C2: variants seen among roughly 807,000 people sequenced by gnomAD.
The protein encoded by C2 is complement C2.
In C2, 64 loss-of-function variants were observed where a neutral mutation model predicts 85.2. That is an observed-to-expected ratio of 0.75 (90% CI 0.61 to 0.92). The LOEUF is 0.92. Among genes scored for constraint, C2 ranks in the 40% least tolerant of loss-of-function variants. The pLI is 0.00. For synonymous variants in C2, 311 were observed against 370.8 expected, an observed-to-expected ratio of 0.84 and a Z score of 1.85; for missense variants, 820 against 971.6, an observed-to-expected ratio of 0.84 and a Z score of 2.07.
At chr6:31,902,176 T>TG (rs2151694508) in intron 1 of C2, among the ~76,000 whole-genome samples, 1 of 138,426 alleles carries the variant, frequency 7.2e-6, no homozygotes, top group South Asian at 2.5e-4. Context: ...CGGACGGCCT[T>TG]GCCTCCTCTT....
upstream of C2, among the ~76,000 whole-genome samples, chr6:31,925,828 C>A (rs1364600926): frequency 6.6e-6 from 1 of 152,030 alleles, no homozygotes; most frequent in Non-Finnish European, 1.5e-5. Flanking sequence ...TCCTTAAATA[C>A]CCCCCACCTT....
Position 31,945,580 on chromosome 6 carries a change from A to G in C2, c.*223A>G, listed in dbSNP as rs1049070395. The stretch of plus-strand genomic sequence containing the variant: ...ACCTCCCGCTCCTTGGCCTGTCCCC[A>G]GATTCCTTCCCTGGTTGACTTGACT... On this transcript the variant is annotated 3_prime_UTR_variant, in exon 18 of 18. Transcript: ENST00000299367. The surrounding 1 kb of genome is among the most constrained non-coding windows in gnomAD (Gnocchi z 5.3). 6.7e-6 allele frequency: 4 copies of G among 597,316 alleles called. No homozygotes were observed. The highest frequency in any genetic ancestry group is 1.2e-5 in the Non-Finnish European group (4 of 334,722). 37.0% of individuals were successfully genotyped at this position (597,316 alleles called of 1,614,324 possible). A position where few individuals can be genotyped will look rare whatever the true frequency, so the allele number is the denominator to read the frequency against.
At position 31,945,253 on chromosome 6, in the gene C2, C is replaced by G; in HGVS notation, c.2155C>G (p.Arg719Gly). Residue 719 changes from arginine (R) to glycine (G), a missense_variant, in exon 18 of 18, where the codon CGT becomes GGT. Arg to Gly is a moderately radical substitution (Grantham distance 125). Coordinates refer to ENST00000299367, the MANE Select transcript of C2 (RefSeq NM_000063.6). The surrounding 1 kb of genome is among the most constrained non-coding windows in gnomAD (Gnocchi z 5.3). ...CAAAAACTCCCGCAAAAGGGCCCCTCGTAGCAAGGTCCCGCCGCCACGAGA... is the reference window on the plus strand; with the variant it reads ...CAAAAACTCCCGCAAAAGGGCCCCTGGTAGCAAGGTCCCGCCGCCACGAGA... ...ADKNSRKRAPRSKVPPPRDFH... is the reference protein window; with the variant it reads ...ADKNSRKRAPGSKVPPPRDFH... 6.2e-7 allele frequency: 1 copy of G among 1,612,954 alleles called. No individual in the cohort carries two copies.
chr6:31,900,503 C>T (rs1448761836), upstream of C2: 3 of 1,610,846 alleles, frequency 1.9e-6, no homozygotes, highest in Admixed American at 3.3e-5. The surrounding 1 kb of genome is among the most constrained non-coding windows in gnomAD (Gnocchi z 9.7). Flanking sequence ...TTCCGACAGG[C>T]TATAGCAGGC....
At chr6:31,902,620 CT>C (rs1437940437) in intron 1 of C2, among the ~76,000 whole-genome samples, 2 of 152,224 alleles carry the variant, frequency 1.3e-5, no homozygotes, top group African/African-American at 2.4e-5. Flanking sequence ...CATTCCCAGG[CT>C]TTTCCAACTC....
chr6:31,926,167 G>A (rs2734335), upstream of C2, among the ~76,000 whole-genome samples: 81,538 of 151,812 alleles, frequency 0.54, 22,472 homozygotes, highest in Admixed American at 0.69. Flanking sequence ...GGGTGACTGT[G>A]TGTTCCCCTA....
chr6:31,912,222 T>C (rs1182477217), intron 1 of C2, among the ~76,000 whole-genome samples: 1 of 152,224 alleles, frequency 6.6e-6, no homozygotes, highest in African/African-American at 2.4e-5. Flanking sequence ...TGCTAAACTA[T>C]TTTCTGAAGC....
At chr6:31,908,865 T>C (rs1767905319) in intron 1 of C2, among the ~76,000 whole-genome samples, 1 of 152,056 alleles carries the variant, frequency 6.6e-6, no homozygotes, top group African/African-American at 2.4e-5. Flanking sequence ...CGTATGCTAT[T>C]GCACACTGAA....
intron 1 of C2, among the ~76,000 whole-genome samples, chr6:31,906,420 C>T (rs1767717824): frequency 6.6e-6 from 1 of 151,854 alleles, no homozygotes; most frequent in South Asian, 2.1e-4. Context: ...CAAACTCTTC[C>T]CTCCCCCTCC....
chr6:31,900,232 G>A, upstream of C2: 3 of 1,614,106 alleles, frequency 1.9e-6, no homozygotes, highest in African/African-American at 2.7e-5. This position sits in a 1 kb window ranked among gnomAD's most constrained non-coding sequence, Gnocchi z 9.7. Context: ...GGCACATGAA[G>A]ATGAAGTGCT....
At chr6:31,899,834 C>T, upstream of C2, 1 of 1,389,094 alleles carries the variant, frequency 7.2e-7, no homozygotes, top group South Asian at 1.4e-5. Context: ...CTTTCTGCCC[C>T]AGACCCCCCA....
intron 1 of C2, among the ~76,000 whole-genome samples, chr6:31,907,477 C>G (rs1490301494): frequency 1.4e-5 from 2 of 145,446 alleles, no homozygotes; most frequent in Non-Finnish European, 3.0e-5. Context: ...AGCTATTCAA[C>G]AGGCTGAAGT....
chr6:31,932,077 G>A (rs1484024533), intron 3 of C2, among the ~76,000 whole-genome samples: 3 of 130,588 alleles, frequency 2.3e-5, no homozygotes, highest in Non-Finnish European at 1.6e-5. Context: ...GGGCAGAGGC[G>A]CCCCTCACTT....
At chr6:31,939,041 C>T (rs1478449620) in intron 8 of C2, among the ~76,000 whole-genome samples, 190 bp from the exon 9 acceptor site, 3 of 152,152 alleles carry the variant, frequency 2.0e-5, no homozygotes, top group Admixed American at 6.6e-5. Context: ...TCAGGCAATC[C>T]GCCTTCTTCG....
chr6:31,900,853 C>G (rs372529427), upstream of C2: 35 of 1,612,616 alleles, frequency 2.2e-5, no homozygotes, highest in African/African-American at 4.7e-4. The surrounding 1 kb of genome is among the most constrained non-coding windows in gnomAD (Gnocchi z 9.7). Flanking sequence ...GGAGGAGGGA[C>G]TTGGTGGCGC....
chr6:31,915,239 A>G (rs766758577), upstream of C2, among the ~76,000 whole-genome samples: 3 of 152,196 alleles, frequency 2.0e-5, no homozygotes, highest in Admixed American at 6.5e-5. Flanking sequence ...TGTTTCTTCC[A>G]TAAGGCATTC....
At position 31,943,369 on chromosome 6, in the gene C2, T is replaced by C; in HGVS notation, c.1456-47T>C. The C allele has an allele frequency of 6.2e-7, 1 of 1,608,992 alleles. No individual in the cohort carries two copies. Among genetic ancestry groups the C allele is most frequent in the Non-Finnish European group, 8.5e-7 (1 of 1,176,324 alleles). ...TGGATTCCAGAGGTAAAAGCGGCCA[T>C]GGGCCAGACATACTGCAATCTCTGA... is the stretch of plus-strand genomic sequence containing the variant. On this transcript the variant is annotated intron_variant, in intron 11 of 17. Transcript: ENST00000299367. The surrounding 1 kb of genome is among the most constrained non-coding windows in gnomAD (Gnocchi z 6.4).
At chr6:31,899,033 G>C (rs989302664), upstream of C2, among the ~76,000 whole-genome samples, 12 of 151,576 alleles carry the variant, frequency 7.9e-5, no homozygotes, top group African/African-American at 2.9e-4. Context: ...GTCTAGGGCA[G>C]GATAGTCATG....
At position 31,939,260 on chromosome 6, in the gene C2, A is replaced by G. The variant is rs774355051; in HGVS notation, c.1159A>G (p.Thr387Ala). 2 of 1,612,558 alleles carry G rather than the reference A, an allele frequency of 1.2e-6. No individual in the cohort carries two copies. Among genetic ancestry groups the G allele is most frequent in the South Asian group, 1.1e-5 (1 of 91,070 alleles). ...GTCCAATATGGGTGGCTCTCCCAAG[A>G]CAGCTGTTGACCATATCAGAGAGAT... ...GKSNMGGSPK[T>A]AVDHIREILN... Residue 387 changes from threonine to alanine, a missense_variant, in exon 9 of 18, where the codon ACA becomes GCA. By Grantham distance (58) the Thr-to-Ala change is moderately conservative. Transcript: ENST00000299367.
Sources: allele counts gnomAD v4.1 joint callset (sites outside exome capture counted in the v4.1 genomes callset), GRCh38; gene constraint gnomAD v4.1.1; non-coding constraint Gnocchi (gnomAD v3.1); transcripts MANE v1.5; gene names NCBI Gene and HGNC (gene_info 2026-07-23, HGNC 2026-07-21).